GTF2A2: variants seen among roughly 807,000 people sequenced by gnomAD.
GTF2A2 encodes the protein general transcription factor IIA subunit 2.
In GTF2A2, 9 loss-of-function variants were observed where a neutral mutation model predicts 14.3. That is an observed-to-expected ratio of 0.63 (90% CI 0.38 to 1.10). The LOEUF is 1.10. GTF2A2 is among the 50% of genes least tolerant of loss of function. GTF2A2 has a pLI of 0.01. For synonymous variants in GTF2A2, 56 were observed against 46.0 expected, an observed-to-expected ratio of 1.22 and a Z score of -0.88; for missense variants, 90 against 124.6, an observed-to-expected ratio of 0.72 and a Z score of 1.32.
At chr15:59,641,042 G>A (rs1891403069) in intron 4 of GTF2A2, among the ~76,000 whole-genome samples, 1 of 152,132 alleles carries the variant, frequency 6.6e-6, no homozygotes, top group African/African-American at 2.4e-5. Flanking sequence ...AGGGCTTAAG[G>A]TGTAATTTTA....
At chr15:59,648,178 G>A (rs187189182) in intron 3 of GTF2A2, among the ~76,000 whole-genome samples, 71 of 152,064 alleles carry the variant, frequency 4.7e-4, no homozygotes, top group African/African-American at 1.7e-3. Context: ...GGAGGCCGAG[G>A]CGGGCGGATC....
intron 1 of GTF2A2, among the ~76,000 whole-genome samples, chr15:59,654,991 T>G (rs1444503948): frequency 2.0e-5 from 3 of 152,238 alleles, no homozygotes; most frequent in Admixed American, 1.3e-4. Context: ...GCCCAACCTG[T>G]ACCCATATAC....
Position 59,649,211 on chromosome 15 carries a change from G to C in GTF2A2, c.177+1458C>G, listed in dbSNP as rs143080844. On this transcript the variant is annotated intron_variant, in intron 3 of 4. Coordinates refer to ENST00000396060, the MANE Select transcript of GTF2A2 (RefSeq NM_004492.3). ...TGATCAAGTTGGCTGTAACCCAGGA[G>C]TAGGGTGATAAAAAGCGTGAGTTAG... 4.2e-3 allele frequency among the ~76,000 whole-genome samples: 639 copies of C among 152,290 alleles called. 2 individuals are homozygous for C. Among genetic ancestry groups the C allele is most frequent in the Non-Finnish European group, 5.9e-3 (399 of 68,022 alleles).
chr15:59,650,977 G>C (rs1325760806), intron 2 of GTF2A2, among the ~76,000 whole-genome samples: 2 of 152,122 alleles, frequency 1.3e-5, no homozygotes, highest in African/African-American at 4.8e-5. Flanking sequence ...AAACAATCTT[G>C]AAGAGAAAAC....
intron 4 of GTF2A2, among the ~76,000 whole-genome samples, chr15:59,641,594 A>AGAGAAATTAGGTGTATAGTTTTTG (rs1891430295): frequency 6.7e-6 from 1 of 150,206 alleles, no homozygotes; most frequent in African/African-American, 2.5e-5. Flanking sequence ...TAATCATGAA[A>AGAGAAATTAGGTGTATAGTTTTTG]CAGAAATTAG....
In GTF2A2 at chr15:59,638,985, T is replaced by TTACAAGTTTCTTTC. The variant is rs1789937204; in HGVS notation, c.*133_*146dup. 3.2e-6 allele frequency: 2 copies of TTACAAGTTTCTTTC among 630,664 alleles called. No individual in the cohort carries two copies. The highest frequency in any genetic ancestry group is 3.5e-5 in the South Asian group (2 of 57,722). 39.1% of individuals were successfully genotyped at this position (630,664 alleles called of 1,614,324 possible). Reference sequence around the variant, plus strand: ...AAAGGTGATGTAAGAGGCTACAGAGTTACAAGTTTCTTTCTACTGGAATTC... The same window carrying TTACAAGTTTCTTTC: ...AAAGGTGATGTAAGAGGCTACAGAGTTACAAGTTTCTTTCTACAAGTTTCTTTCTACTGGAATTC... On this transcript the variant is annotated 3_prime_UTR_variant, in exon 5 of 5. Transcript: ENST00000396060.
intron 4 of GTF2A2, among the ~76,000 whole-genome samples, chr15:59,639,931 A>G (rs1595665593): frequency 6.6e-6 from 1 of 151,766 alleles, no homozygotes; most frequent in Non-Finnish European, 1.5e-5. Flanking sequence ...TTGTATTTTT[A>G]GTAGAGATGG....
rs1041083650 is a variant in GTF2A2 at position 59,657,480 on chromosome 15, G to C, written c.-124C>G. The C allele has an allele frequency of 6.6e-6, 1 of 152,492 alleles. No homozygotes were observed. The allele number at this position is 152,492 out of a possible 1,614,324, so 9.4% of individuals were successfully genotyped here. Reference sequence around the variant, plus strand: ...CCCGGCAGGAGGTTCCTACTTCTCCGACCACCTCTCCAGCCGCCGCAGAAA... The same window carrying C: ...CCCGGCAGGAGGTTCCTACTTCTCCCACCACCTCTCCAGCCGCCGCAGAAA... On this transcript the variant is annotated 5_prime_UTR_variant, in exon 1 of 5. Transcript: ENST00000396060.
chr15:59,655,520 G>T (rs551909618), intron 1 of GTF2A2, among the ~76,000 whole-genome samples: 1 of 152,176 alleles, frequency 6.6e-6, no homozygotes, highest in East Asian at 1.9e-4. Flanking sequence ...TTTTCGGATT[G>T]TCCTAACTCA....
intron 4 of GTF2A2, 89 bp downstream of exon 4, chr15:59,642,047 G>C (rs1026624441): frequency 2.5e-6 from 3 of 1,186,980 alleles, no homozygotes; most frequent in Non-Finnish European, 3.5e-6. Flanking sequence ...CATTTTACCC[G>C]TTAGGCTTTT....
chr15:59,640,650 T>A (rs1257740099), intron 4 of GTF2A2, among the ~76,000 whole-genome samples: 2 of 152,354 alleles, frequency 1.3e-5, no homozygotes, highest in Non-Finnish European at 2.9e-5. Flanking sequence ...CTGGTGTATG[T>A]CATTAATTCA....
chr15:59,639,987 G>A (rs1409907046), intron 4 of GTF2A2: 3 of 152,418 alleles, frequency 2.0e-5, no homozygotes, highest in African/African-American at 4.8e-5. Context: ...CTGGCCTCAA[G>A]TGATCTACCC....
intron 1 of GTF2A2, among the ~76,000 whole-genome samples, chr15:59,653,985 C>T (rs1309867941): frequency 6.6e-6 from 1 of 152,186 alleles, no homozygotes; most frequent in Non-Finnish European, 1.5e-5. Context: ...ACAGCTTCTA[C>T]CATCTTCAAT....
chr15:59,646,914 TCTTG>T (rs1891626168), intron 3 of GTF2A2, among the ~76,000 whole-genome samples: 1 of 151,648 alleles, frequency 6.6e-6, no homozygotes, highest in Non-Finnish European at 1.5e-5. Flanking sequence ...TATTTAAATA[TCTTG>T]CTTTTTCACT....
chr15:59,643,655 G>A (rs2141958545), intron 3 of GTF2A2, among the ~76,000 whole-genome samples: 1 of 148,620 alleles, frequency 6.7e-6, no homozygotes, highest in East Asian at 2.0e-4. Flanking sequence ...TGGAGGGCAG[G>A]GGTGTAATCT....
intron 3 of GTF2A2, among the ~76,000 whole-genome samples, chr15:59,647,682 G>A (rs575129769): frequency 3.3e-5 from 5 of 151,952 alleles, no homozygotes; most frequent in Non-Finnish European, 7.4e-5. Context: ...GGATTCAAGC[G>A]ATTCTCCCGC....
At chr15:59,639,500 G>A (rs929070886) in intron 4 of GTF2A2, among the ~76,000 whole-genome samples, 1 of 131,630 alleles carries the variant, frequency 7.6e-6, no homozygotes, top group African/African-American at 2.9e-5. Context: ...TCTAGCTGTT[G>A]CCCAGGCTGG....
rs28546713 is a variant in GTF2A2, at chr15:59,650,811, G to T, written c.73-38C>A. The T allele has an allele frequency of 7.8e-6, 8 of 1,028,020 alleles. No homozygotes were observed. The South Asian group carries it at 7.9e-5, about 10-fold the overall frequency. The allele number at this position is 1,028,020 out of a possible 1,614,324, so 63.7% of individuals were successfully genotyped here. ...AAAGGTCATAAATCCCGTTAAGGAA[G>T]AACATTAAAGACAAAGTAAATAAAA... On this transcript the variant is annotated intron_variant, in intron 2 of 4. Transcript: ENST00000396060.
intron 4 of GTF2A2, among the ~76,000 whole-genome samples, chr15:59,641,263 GC>G (rs1347924769): frequency 6.9e-6 from 1 of 145,090 alleles, no homozygotes; most frequent in Non-Finnish European, 1.5e-5. Context: ...ATACATTTTT[GC>G]AAAAAAAAGT....
Sources: allele counts gnomAD v4.1 joint callset (sites outside exome capture counted in the v4.1 genomes callset), GRCh38; gene constraint gnomAD v4.1.1; transcripts MANE v1.5; gene names NCBI Gene and HGNC (gene_info 2026-07-23, HGNC 2026-07-21).